CDH13: variants seen among roughly 807,000 people sequenced by gnomAD.
CDH13 encodes cadherin 13, also known as cadherin-13.
Under a neutral mutation model 63.8 loss-of-function variants are expected in CDH13, and 24 were observed. The ratio of observed to expected loss-of-function variants is 0.38; its 90% CI spans 0.27 to 0.53. The LOEUF is 0.53. Among genes scored for constraint, CDH13 ranks in the 20% least tolerant of loss-of-function variants. The pLI, the probability that CDH13 is intolerant of heterozygous loss-of-function variation, is 0.85. For missense variants in CDH13, 1,049 were observed against 903.1 expected, an observed-to-expected ratio of 1.16 and a Z score of -2.07; for synonymous variants, 503 against 355.3, an observed-to-expected ratio of 1.42 and a Z score of -4.67.
At chr16:83,372,818 T>C (rs1004628709) in intron 6 of CDH13, among the ~76,000 whole-genome samples, 5 of 150,590 alleles carry the variant, frequency 3.3e-5, no homozygotes, top group Non-Finnish European at 7.4e-5. Context: ...CTCTGCTTTC[T>C]GTGGGGAAAC....
intron 2 of CDH13, among the ~76,000 whole-genome samples, chr16:83,024,030 A>G (rs1024180557): frequency 2.0e-5 from 3 of 152,160 alleles, no homozygotes; most frequent in Non-Finnish European, 2.9e-5. Flanking sequence ...CATTATTTAT[A>G]TTAAATAAAT....
intron 6 of CDH13, among the ~76,000 whole-genome samples, chr16:83,368,436 T>C (rs574631827): frequency 1.3e-5 from 2 of 152,342 alleles, no homozygotes; most frequent in East Asian, 3.9e-4. Context: ...CAACTGTCTT[T>C]TATTTGAGCC....
chr16:83,263,716 C>T (rs912800528), intron 5 of CDH13, among the ~76,000 whole-genome samples: 4 of 152,170 alleles, frequency 2.6e-5, no homozygotes, highest in African/African-American at 9.6e-5. Flanking sequence ...TTCTCAAACC[C>T]CATGATGAAC....
At chr16:83,188,195 T>C (rs537322454) in intron 4 of CDH13, among the ~76,000 whole-genome samples, 1 of 152,152 alleles carries the variant, frequency 6.6e-6, no homozygotes. Flanking sequence ...ATGTCTTTAT[T>C]GAATGGCTCT....
At chr16:83,737,496 A>G (rs956434785) in intron 10 of CDH13, among the ~76,000 whole-genome samples, 1 of 152,066 alleles carries the variant, frequency 6.6e-6, no homozygotes, top group Non-Finnish European at 1.5e-5. Flanking sequence ...CTTTATATCT[A>G]TGTAATAGGG....
At chr16:83,585,278 A>T (rs991005300) in intron 7 of CDH13, among the ~76,000 whole-genome samples, 5 of 152,126 alleles carry the variant, frequency 3.3e-5, no homozygotes, top group South Asian at 2.1e-4. Context: ...TATATTTGCC[A>T]TCTCAGGATA....
At chr16:83,063,338 A>C (rs972577577) in intron 3 of CDH13, among the ~76,000 whole-genome samples, 2 of 152,148 alleles carry the variant, frequency 1.3e-5, no homozygotes, top group Non-Finnish European at 2.9e-5. Context: ...CCAGCCCCAG[A>C]AGTTACACAC....
intron 2 of CDH13, among the ~76,000 whole-genome samples, chr16:82,967,232 C>G (rs942737658): frequency 6.6e-6 from 1 of 152,110 alleles, no homozygotes; most frequent in South Asian, 2.1e-4. Context: ...TGGCTTTACC[C>G]CATCACATCC....
intron 2 of CDH13, among the ~76,000 whole-genome samples, chr16:82,938,219 A>G (rs761623503): frequency 6.6e-6 from 1 of 152,210 alleles, no homozygotes; most frequent in Non-Finnish European, 1.5e-5. Flanking sequence ...CCAGAGGTGT[A>G]AAAACAGCCT....
intron 3 of CDH13, among the ~76,000 whole-genome samples, chr16:83,067,126 G>A (rs1391112570): frequency 6.6e-6 from 1 of 152,100 alleles, no homozygotes; most frequent in Non-Finnish European, 1.5e-5. Context: ...ACTTCCCTAG[G>A]AGCCATTTTG....
intron 6 of CDH13, among the ~76,000 whole-genome samples, chr16:83,462,333 C>T (rs767655248): frequency 1.1e-4 from 17 of 152,238 alleles, no homozygotes; most frequent in Non-Finnish European, 2.1e-4. Context: ...GAGATTGAAT[C>T]TCCTTCTGCC....
intron 5 of CDH13, among the ~76,000 whole-genome samples, chr16:83,289,375 G>A (rs772600972): frequency 2.0e-5 from 3 of 152,048 alleles, no homozygotes; most frequent in Non-Finnish European, 2.9e-5. Flanking sequence ...GGTAACTGTG[G>A]GTGTACATCA....
chr16:83,239,417 C>A (rs1404182149), intron 5 of CDH13, among the ~76,000 whole-genome samples: 1 of 152,124 alleles, frequency 6.6e-6, no homozygotes, highest in Non-Finnish European at 1.5e-5. Context: ...TTCTGGAGAG[C>A]CATTTGTTGT....
Position 83,023,097 on chromosome 16 carries a change from C to T in CDH13, c.158-8913C>T, listed in dbSNP as rs567879497. ...AAATGGAAAAGCATAAAATCAAGGT[C>T]GGGAAGATTAAGCCCCTTAATTCAC... On this transcript the variant is annotated intron_variant, in intron 2 of 13. Coordinates refer to ENST00000567109, the MANE Select transcript of CDH13 (RefSeq NM_001257.5). 1.7e-4 allele frequency: 26 copies of T among 152,280 alleles called. No individual in the cohort carries two copies. In the South Asian group the frequency reaches 2.1e-3, roughly 12 times the overall value. The allele number at this position is 152,280 out of a possible 1,614,324, so 9.4% of individuals were successfully genotyped here.
chr16:83,261,599 A>G (rs1298030274), intron 5 of CDH13, among the ~76,000 whole-genome samples: 4 of 152,274 alleles, frequency 2.6e-5, no homozygotes, highest in Non-Finnish European at 4.4e-5. Flanking sequence ...AATGCCCAGG[A>G]CAGCCCCCAT....
intron 4 of CDH13, among the ~76,000 whole-genome samples, chr16:83,172,128 A>G (rs2037944994): frequency 6.6e-6 from 1 of 151,706 alleles, no homozygotes; most frequent in Non-Finnish European, 1.5e-5. Context: ...CCCTAGTATA[A>G]TATGACTGAT....
intron 6 of CDH13, among the ~76,000 whole-genome samples, chr16:83,476,801 G>T (rs1031037280): frequency 1.7e-4 from 26 of 152,176 alleles, no homozygotes; most frequent in African/African-American, 5.5e-4. Flanking sequence ...TCAATATAAA[G>T]AGTATTTTTA....
At chr16:83,184,306 A>C (rs1212374300) in intron 4 of CDH13, among the ~76,000 whole-genome samples, 1 of 151,800 alleles carries the variant, frequency 6.6e-6, no homozygotes, top group Non-Finnish European at 1.5e-5. Flanking sequence ...TCTTACATTA[A>C]CTCTAAAAAG....
At chr16:83,184,512 T>C (rs2151748035) in intron 4 of CDH13, among the ~76,000 whole-genome samples, 1 of 152,164 alleles carries the variant, frequency 6.6e-6, no homozygotes, top group South Asian at 2.1e-4. Context: ...CCCAGCACTT[T>C]GGGAGGCTGA....
Sources: gnomAD v4.1 joint callset for allele counts (sites outside exome capture counted in the v4.1 genomes callset) on GRCh38, gnomAD v4.1.1 for gene constraint, MANE v1.5 for transcripts, NCBI Gene and HGNC (gene_info 2026-07-23, HGNC 2026-07-21) for gene names.